Variants in NKD1 observed in about 807,000 individuals in gnomAD.
NKD1 encodes protein naked cuticle homolog 1.
Under a neutral mutation model 56.0 loss-of-function variants are expected in NKD1, and 21 were observed. The ratio of observed to expected loss-of-function variants is 0.38; its 90% CI spans 0.27 to 0.54. The LOEUF (loss-of-function observed/expected upper bound fraction) is 0.54. Ranked by LOEUF, NKD1 falls within the 20% of genes least tolerant of loss-of-function variation. The probability of loss-of-function intolerance (pLI) is 0.82; values close to 1 mark genes in which losing one functional copy is unlikely to be tolerated. For missense variants in NKD1, 578 were observed against 642.7 expected, an observed-to-expected ratio of 0.90 and a Z score of 1.09; for synonymous variants, 263 against 265.7, an observed-to-expected ratio of 0.99 and a Z score of 0.10.
At chr16:50,613,705 A>G (rs1172194092) in intron 4 of NKD1, 1 of 114,800 alleles carries the variant, frequency 8.7e-6, no homozygotes, top group East Asian at 3.0e-4. Context: ...TCGGGGTTAG[A>G]TTGTAAAAGC....
chr16:50,574,528 A>G (rs2151267512), intron 3 of NKD1: 1 of 985,384 alleles, frequency 1.0e-6, no homozygotes, highest in Non-Finnish European at 1.2e-6. Flanking sequence ...AGGCCCAGGC[A>G]CGGCCGAATG....
rs1960303121 is a variant in NKD1, at chr16:50,548,904, G to A, written c.58+155G>A. ...CAAGCCCGCTCCCTGAGCAGCCTTCGCGCCCCCTCCTCTGTCCCTCCTACC... is the reference window on the plus strand; with the variant it reads ...CAAGCCCGCTCCCTGAGCAGCCTTCACGCCCCCTCCTCTGTCCCTCCTACC... On this transcript the variant is annotated intron_variant, in intron 2 of 9. Transcript: ENST00000268459. The A allele has an allele frequency of 4.8e-6, 4 of 838,398 alleles. No individual in the cohort carries two copies. The South Asian group carries it at 2.2e-4, about 46-fold the overall frequency. The allele number at this position is 838,398 out of a possible 1,614,324, so 51.9% of individuals were successfully genotyped here. A position where few individuals can be genotyped will look rare whatever the true frequency, so the allele number is the denominator to read the frequency against.
intron 6 of NKD1, among the ~76,000 whole-genome samples, chr16:50,627,175 T>C (rs368567524): frequency 6.6e-6 from 1 of 152,086 alleles, no homozygotes; most frequent in African/African-American, 2.4e-5. Flanking sequence ...GATTGGCTCA[T>C]GTAACTGAAA....
intron 3 of NKD1, chr16:50,608,035 A>G (rs1441059088): frequency 2.1e-6 from 1 of 487,208 alleles, no homozygotes; most frequent in African/African-American, 1.9e-5. Context: ...TGTTGGTGAA[A>G]TGTGGGAGGC....
At chr16:50,548,667 CCCGCCGCCGCGGCTGCCGCCG>C (rs1960293698) in intron 1 of NKD1, 29 bp from the exon 2 acceptor site, 3 of 1,465,870 alleles carry the variant, frequency 2.0e-6, no homozygotes, top group Middle Eastern at 2.0e-4. Flanking sequence ...CTTTCCTTCT[CCCGCCGCCGCGGCTGCCGCCG>C]CCGCCGCCGC....
rs575849481 is a variant in NKD1, at chr16:50,579,733, G to C, written c.193-28561G>C. 1.1e-4 allele frequency among the ~76,000 whole-genome samples: 16 copies of C among 145,772 alleles called. No individual in the cohort carries two copies. The East Asian group carries it at 3.4e-3, about 31-fold the overall frequency. On this transcript the variant is annotated intron_variant, in intron 3 of 9. Transcript: ENST00000268459. ...ACCCGCTACACACGCACTCTAACCC[G>C]CCACGCATGCACTGTCTTACTCCTG... is the stretch of plus-strand genomic sequence containing the variant.
At chr16:50,630,098 C>A in intron 6 of NKD1, 88 bp from the exon 7 acceptor site, 2 of 1,283,152 alleles carry the variant, frequency 1.6e-6, no homozygotes, top group Non-Finnish European at 1.1e-6. Context: ...GGGGTTCAGG[C>A]CTGCAGCGTC....
In NKD1 at chr16:50,567,268, T is replaced by C. The variant is rs548262596; in HGVS notation, c.192+17713T>C. ...TAGCATGCAGTGAGCACCCAGCAGA[T>C]GTACTCAGTAGCCCTTTAAGGCCTC... On this transcript the variant is annotated intron_variant, in intron 3 of 9. Coordinates refer to ENST00000268459, the MANE Select transcript of NKD1 (RefSeq NM_033119.5). Among the ~76,000 whole-genome samples the C allele has an allele frequency of 4.6e-5, 7 of 152,344 alleles. No individual in the cohort carries two copies. The South Asian group carries it at 1.5e-3, about 32-fold the overall frequency.
Position 50,623,548 on chromosome 16 carries a change from A to AG in NKD1, c.366+1844dup, listed in dbSNP as rs756511568. ...GAAGCCCAAGTGCGCTTGCTTCTGGAGGGGCAGACTTGGGACTGAGCTGTG... is the reference window on the plus strand; with the variant it reads ...GAAGCCCAAGTGCGCTTGCTTCTGGAGGGGGCAGACTTGGGACTGAGCTGTG... On this transcript the variant is annotated intron_variant, in intron 5 of 9. Coordinates refer to ENST00000268459, the MANE Select transcript of NKD1 (RefSeq NM_033119.5). The surrounding 1 kb of genome is among the most constrained non-coding windows in gnomAD (Gnocchi z 4.1). Among the ~76,000 whole-genome samples the AG allele has an allele frequency of 6.6e-6, 1 of 152,028 alleles. No individual in the cohort carries two copies. The highest frequency in any genetic ancestry group is 1.5e-5 in the Non-Finnish European group (1 of 68,004).
intron 3 of NKD1, chr16:50,558,446 A>G (rs1960549840): frequency 6.6e-6 from 1 of 152,204 alleles, no homozygotes; most frequent in Non-Finnish European, 1.5e-5. Context: ...GGCCCAGCAA[A>G]TTAGAGTCAC....
At chr16:50,608,589 A>C in intron 4 of NKD1, 1 of 584,360 alleles carries the variant, frequency 1.7e-6, no homozygotes, top group Non-Finnish European at 3.1e-6. Context: ...ACCTAGGTCC[A>C]TGTCCTGGCC....
intron 3 of NKD1, chr16:50,557,793 A>G (rs2151262958): frequency 6.6e-6 from 1 of 152,376 alleles, no homozygotes; most frequent in East Asian, 1.9e-4. Flanking sequence ...GTTAACTGTT[A>G]AAGTTATAAA....
intron 3 of NKD1, among the ~76,000 whole-genome samples, chr16:50,567,012 C>CA (rs1567336042): frequency 6.6e-6 from 1 of 151,366 alleles, no homozygotes; most frequent in Non-Finnish European, 1.5e-5. Context: ...ATGGCCCCCC[C>CA]CCTTTTTTTT....
At chr16:50,619,278 A>G (rs963132003) in intron 4 of NKD1, among the ~76,000 whole-genome samples, 1 of 151,918 alleles carries the variant, frequency 6.6e-6, no homozygotes. Context: ...CCGGTGGGGC[A>G]GTTTGGGGTC....
intron 3 of NKD1, chr16:50,555,904 C>T (rs1960492006): frequency 6.6e-6 from 1 of 152,394 alleles, no homozygotes; most frequent in Non-Finnish European, 1.5e-5. Flanking sequence ...TTTTGCCGCT[C>T]TTGTCTCTCA....
Position 50,632,816 on chromosome 16 carries a change from C to A in NKD1, c.824-376C>A, listed in dbSNP as rs1044476110. Among the ~76,000 whole-genome samples, 2 of 152,284 alleles carry A rather than the reference C, an allele frequency of 1.3e-5. No homozygotes were observed. Among genetic ancestry groups the A allele is most frequent in the African/African-American group, 4.8e-5 (2 of 41,552 alleles). ...GACCTCTTGCTCAATTTCACTCCCA[C>A]AACTCCCTTCTCCCCTTTCTCTTCA... On this transcript the variant is annotated intron_variant, in intron 9 of 9. Coordinates refer to ENST00000268459, the MANE Select transcript of NKD1 (RefSeq NM_033119.5). The surrounding 1 kb of genome is among the most constrained non-coding windows in gnomAD (Gnocchi z 4.1).
chr16:50,581,173 G>A (rs1961107862), intron 3 of NKD1, among the ~76,000 whole-genome samples: 1 of 152,082 alleles, frequency 6.6e-6, no homozygotes. Flanking sequence ...TGCTTACCAG[G>A]GACAATATTT....
At chr16:50,596,677 C>A (rs909427786) in intron 3 of NKD1, among the ~76,000 whole-genome samples, 1 of 152,248 alleles carries the variant, frequency 6.6e-6, no homozygotes, top group Non-Finnish European at 1.5e-5. Context: ...GTTCAACACA[C>A]GCTGGTCGAG....
intron 6 of NKD1, among the ~76,000 whole-genome samples, chr16:50,628,967 T>A (rs1962283550): frequency 6.6e-6 from 1 of 151,064 alleles, no homozygotes; most frequent in Admixed American, 6.6e-5. Context: ...TTTTTTTTTT[T>A]TTTTTATTTT....
Sources: allele counts gnomAD v4.1 joint callset (sites outside exome capture counted in the v4.1 genomes callset), GRCh38; gene constraint gnomAD v4.1.1; non-coding constraint Gnocchi (gnomAD v3.1); transcripts MANE v1.5; gene names NCBI Gene and HGNC (gene_info 2026-07-23, HGNC 2026-07-21).